RIT2: variants seen among roughly 807,000 people sequenced by gnomAD.
RIT2 encodes Ras like without CAAX 2.
A neutral mutation model predicts 23.7 loss-of-function variants in RIT2; 24 were observed. That is an observed-to-expected ratio of 1.01 (90% CI 0.73 to 1.43). The LOEUF is 1.43. Among genes scored for constraint, RIT2 ranks in the 40% most tolerant of loss-of-function variants. The pLI is 0.00. For missense variants in RIT2, 236 were observed against 266.9 expected, an observed-to-expected ratio of 0.88 and a Z score of 0.81; for synonymous variants, 107 against 91.1, an observed-to-expected ratio of 1.17 and a Z score of -0.99.
intron 4 of RIT2, among the ~76,000 whole-genome samples, chr18:42,865,707 T>G (rs1178091856): frequency 6.6e-6 from 1 of 152,210 alleles, no homozygotes; most frequent in Non-Finnish European, 1.5e-5. Context: ...GCATTGGTTA[T>G]GCAGATTGCT....
chr18:43,030,306 T>C (rs1477758533), intron 2 of RIT2, among the ~76,000 whole-genome samples: 3 of 151,970 alleles, frequency 2.0e-5, no homozygotes, highest in Non-Finnish European at 4.4e-5. Flanking sequence ...TATGAGTGAA[T>C]GAAGCAAAGA....
At chr18:43,099,353 C>A (rs1913629195) in intron 1 of RIT2, among the ~76,000 whole-genome samples, 1 of 151,918 alleles carries the variant, frequency 6.6e-6, no homozygotes, top group African/African-American at 2.4e-5. Flanking sequence ...TATTTACTCC[C>A]CTTTCATTTA....
chr18:42,990,124 T>A (rs1910807309), intron 2 of RIT2, among the ~76,000 whole-genome samples: 1 of 151,726 alleles, frequency 6.6e-6, no homozygotes, highest in Non-Finnish European at 1.5e-5. Context: ...AGGAAAGCCA[T>A]TGGTGTTTTT....
chr18:42,756,569 T>C (rs635930), intron 4 of RIT2, among the ~76,000 whole-genome samples: 101,376 of 152,090 alleles, frequency 0.67, 36,819 homozygotes, highest in Middle Eastern at 0.83. Flanking sequence ...CTCCTAAAGA[T>C]TTTGCTTTTT....
chr18:43,112,018 A>G (rs201684277), intron 1 of RIT2, among the ~76,000 whole-genome samples: 2 of 150,964 alleles, frequency 1.3e-5, no homozygotes, highest in East Asian at 3.9e-4. Context: ...ATATTTATAC[A>G]GAAGTATTAT....
intron 4 of RIT2, among the ~76,000 whole-genome samples, chr18:42,746,884 G>A (rs1303574094): frequency 6.6e-6 from 1 of 152,002 alleles, no homozygotes; most frequent in African/African-American, 2.4e-5. Context: ...AGAAAAATTG[G>A]CATAGAAGGG....
At chr18:42,923,142 G>A (rs1176730733) in intron 4 of RIT2, among the ~76,000 whole-genome samples, 1 of 152,094 alleles carries the variant, frequency 6.6e-6, no homozygotes, top group Non-Finnish European at 1.5e-5. Context: ...GCCCACATGT[G>A]TAGTATCTTG....
intron 1 of RIT2, among the ~76,000 whole-genome samples, chr18:43,082,918 T>C (rs1461756549): frequency 6.6e-6 from 1 of 152,100 alleles, no homozygotes; most frequent in Non-Finnish European, 1.5e-5. Context: ...AGTATTCAGA[T>C]AGGAAGAGAG....
chr18:43,037,815 T>G (rs899200609), intron 1 of RIT2, among the ~76,000 whole-genome samples: 1 of 152,132 alleles, frequency 6.6e-6, no homozygotes, highest in Non-Finnish European at 1.5e-5. Context: ...CCTGCACTTT[T>G]CTGAACCATG....
rs149572305 is a variant in RIT2 at position 42,850,639 on chromosome 18, T to C, written c.426+72933A>G. On this transcript the variant is annotated intron_variant, in intron 4 of 4. Transcript: ENST00000326695. Reference sequence around the variant, plus strand: ...ATGTTTATAGAAAATGTTGAAGATATGTAAATAAAGAAAAAATATTTCATG... The same window carrying C: ...ATGTTTATAGAAAATGTTGAAGATACGTAAATAAAGAAAAAATATTTCATG... Among the ~76,000 whole-genome samples, 4 of 152,296 alleles carry C rather than the reference T, an allele frequency of 2.6e-5. No individual in the cohort carries two copies. The East Asian group carries it at 5.8e-4, about 22-fold the overall frequency.
At chr18:42,885,766 G>A (rs1295592659) in intron 4 of RIT2, among the ~76,000 whole-genome samples, 2 of 152,122 alleles carry the variant, frequency 1.3e-5, no homozygotes, top group Admixed American at 1.3e-4. Context: ...TCACTTAAAT[G>A]CAAGACATTT....
At chr18:42,995,036 C>T (rs937937589) in intron 2 of RIT2, among the ~76,000 whole-genome samples, 1 of 152,104 alleles carries the variant, frequency 6.6e-6, no homozygotes, top group African/African-American at 2.4e-5. Flanking sequence ...GATGTTCACC[C>T]CATTTCCCCA....
chr18:42,866,073 T>G (rs2144056131), intron 4 of RIT2, among the ~76,000 whole-genome samples: 1 of 152,286 alleles, frequency 6.6e-6, no homozygotes, highest in South Asian at 2.1e-4. Flanking sequence ...TAAAGCCATC[T>G]CACAATACAG....
At chr18:42,857,472 A>C (rs942042257) in intron 4 of RIT2, among the ~76,000 whole-genome samples, 2 of 152,212 alleles carry the variant, frequency 1.3e-5, no homozygotes, top group African/African-American at 4.8e-5. Flanking sequence ...AGTCTAACAG[A>C]TCCTTAGCAT....
chr18:42,977,096 C>G (rs945228398), intron 2 of RIT2, among the ~76,000 whole-genome samples: 1 of 152,060 alleles, frequency 6.6e-6, no homozygotes, highest in Admixed American at 6.6e-5. Flanking sequence ...TTTGCCATGT[C>G]TGTGGCTCAT....
chr18:43,056,536 G>C (rs1318794223), intron 1 of RIT2, among the ~76,000 whole-genome samples: 1 of 152,124 alleles, frequency 6.6e-6, no homozygotes, highest in African/African-American at 2.4e-5. Flanking sequence ...ATTTTAGGCT[G>C]AGAAATGACC....
intron 4 of RIT2, among the ~76,000 whole-genome samples, chr18:42,784,884 C>T (rs896982642): frequency 2.6e-5 from 4 of 151,938 alleles, no homozygotes; most frequent in Non-Finnish European, 4.4e-5. Flanking sequence ...CATTTCCTTG[C>T]TATGTATCAT....
intron 4 of RIT2, among the ~76,000 whole-genome samples, chr18:42,919,893 T>G (rs368129499): frequency 6.6e-6 from 1 of 152,080 alleles, no homozygotes; most frequent in East Asian, 1.9e-4. Context: ...GAAGCCTGCA[T>G]GAATAGGGAC....
At chr18:42,953,430 G>A (rs1034404313) in intron 3 of RIT2, among the ~76,000 whole-genome samples, 2 of 152,116 alleles carry the variant, frequency 1.3e-5, no homozygotes, top group Admixed American at 1.3e-4. Context: ...CAGAGGTAAG[G>A]CCAGGAACAG....
Sources: gnomAD v4.1 joint callset for allele counts (sites outside exome capture counted in the v4.1 genomes callset) on GRCh38, gnomAD v4.1.1 for gene constraint, MANE v1.5 for transcripts, NCBI Gene and HGNC (gene_info 2026-07-23, HGNC 2026-07-21) for gene names.